KCNK10: variants seen among roughly 807,000 people sequenced by gnomAD.
KCNK10 encodes the protein potassium two pore domain channel subfamily K member 10.
In KCNK10, 25 loss-of-function variants were observed where a neutral mutation model predicts 47.7. That is an observed-to-expected ratio of 0.52 (90% CI 0.38 to 0.73). KCNK10 has a LOEUF of 0.73. Among genes scored for constraint, KCNK10 ranks in the 30% least tolerant of loss-of-function variants. KCNK10 has a pLI of 0.00. For synonymous variants in KCNK10, 303 were observed against 285.6 expected, an observed-to-expected ratio of 1.06 and a Z score of -0.61; for missense variants, 563 against 714.5, an observed-to-expected ratio of 0.79 and a Z score of 2.42.
chr14:88,194,736 T>C (rs1884854562), intron 4 of KCNK10, among the ~76,000 whole-genome samples: 1 of 152,164 alleles, frequency 6.6e-6, no homozygotes, highest in Non-Finnish European at 1.5e-5. Flanking sequence ...CTGGAGACTT[T>C]ATCAGCAAGG....
intron 1 of KCNK10, among the ~76,000 whole-genome samples, chr14:88,263,996 G>T (rs1887190020): frequency 6.6e-6 from 1 of 152,164 alleles, no homozygotes; most frequent in South Asian, 2.1e-4. Flanking sequence ...ACCAAGGGCT[G>T]GTGATACCAA....
At chr14:88,197,902 AAAAAG>A (rs1349684803) in intron 4 of KCNK10, among the ~76,000 whole-genome samples, 1 of 146,780 alleles carries the variant, frequency 6.8e-6, no homozygotes, top group Non-Finnish European at 1.5e-5. Flanking sequence ...GAGAAGGGGA[AAAAAG>A]AAAAGAAAAA....
chr14:88,201,277 A>G (rs1885092869), intron 4 of KCNK10, among the ~76,000 whole-genome samples: 1 of 152,202 alleles, frequency 6.6e-6, no homozygotes, highest in African/African-American at 2.4e-5. Context: ...TGCATACATG[A>G]TTCATTTCCT....
At chr14:88,323,361 C>T, upstream of KCNK10, 2 of 927,028 alleles carry the variant, frequency 2.2e-6, no homozygotes, top group African/African-American at 1.8e-5. Context: ...CCCCACTTCC[C>T]GCTCCCCGAA....
intron 1 of KCNK10, among the ~76,000 whole-genome samples, chr14:88,273,013 T>G (rs1887442004): frequency 6.6e-6 from 1 of 152,164 alleles, no homozygotes; most frequent in South Asian, 2.1e-4. Flanking sequence ...GGTGGAGCTA[T>G]CCAGTTAACA....
chr14:88,210,177 G>A (rs1885408615), intron 4 of KCNK10, among the ~76,000 whole-genome samples: 1 of 152,178 alleles, frequency 6.6e-6, no homozygotes. Context: ...GAAAACTGAG[G>A]CACAGCCTGA....
intron 2 of KCNK10, among the ~76,000 whole-genome samples, chr14:88,261,373 C>T (rs911397145): frequency 1.3e-5 from 2 of 152,152 alleles, no homozygotes; most frequent in African/African-American, 4.8e-5. Flanking sequence ...TTGTTTATTC[C>T]ATTCTCTATA....
At chr14:88,236,917 T>C (rs1319589189) in intron 3 of KCNK10, among the ~76,000 whole-genome samples, 1 of 152,218 alleles carries the variant, frequency 6.6e-6, no homozygotes, top group Non-Finnish European at 1.5e-5. Flanking sequence ...CGGTGACTGT[T>C]GAAGGCTGGG....
intron 1 of KCNK10, among the ~76,000 whole-genome samples, chr14:88,289,672 G>A (rs1887837590): frequency 6.6e-6 from 1 of 152,230 alleles, no homozygotes; most frequent in South Asian, 2.1e-4. Flanking sequence ...GTGATGAATT[G>A]TTCAAGCTTA....
At chr14:88,306,995 C>T (rs1006357123) in intron 1 of KCNK10, among the ~76,000 whole-genome samples, 5 of 152,104 alleles carry the variant, frequency 3.3e-5, no homozygotes, top group Non-Finnish European at 1.5e-5. Flanking sequence ...CACAGCAATT[C>T]CTCAGGATGT....
chr14:88,213,398 T>C lies in KCNK10; in HGVS notation c.681+13977A>G, dbSNP rs1356833183. Reference sequence around the variant, plus strand: ...GAGGAACCAAACTAACCTGTGAAAATTGGTGATAAAGCATGAACATAGGAA... The same window carrying C: ...GAGGAACCAAACTAACCTGTGAAAACTGGTGATAAAGCATGAACATAGGAA... On this transcript the variant is annotated intron_variant, in intron 4 of 6. Transcript: ENST00000319231. Among the ~76,000 whole-genome samples the C allele has an allele frequency of 3.9e-5, 6 of 152,310 alleles. No individual in the cohort carries two copies. The South Asian group carries it at 6.2e-4, about 16-fold the overall frequency.
At chr14:88,210,827 A>G (rs947520904) in intron 4 of KCNK10, among the ~76,000 whole-genome samples, 1 of 106,052 alleles carries the variant, frequency 9.4e-6, no homozygotes, top group African/African-American at 3.1e-5. Flanking sequence ...TAAAAGTTAA[A>G]GGAAAAAAAA....
At chr14:88,313,987 A>G (rs1566722530) in intron 1 of KCNK10, among the ~76,000 whole-genome samples, 1 of 152,194 alleles carries the variant, frequency 6.6e-6, no homozygotes, top group South Asian at 2.1e-4. Context: ...GGAATTTAAC[A>G]GTTTATGAAG....
At position 88,186,234 on chromosome 14, in the gene KCNK10, G is replaced by GC; in HGVS notation, c.1012-80_1012-79insG. ...GCCTCCCAGCACCCACAGCCCTCGG[G>GC]TGTCCCCACGGGGAGGCCAGGAGGT... On this transcript the variant is annotated intron_variant, in intron 6 of 6. Transcript: ENST00000319231. This position sits in a 1 kb window ranked among gnomAD's most constrained non-coding sequence, Gnocchi z 5.5. 1 of 1,469,580 alleles carries GC rather than the reference G, an allele frequency of 6.8e-7. No homozygotes were observed. Among genetic ancestry groups the GC allele is most frequent in the Non-Finnish European group, 9.0e-7 (1 of 1,106,428 alleles). 91.0% of individuals were successfully genotyped at this position (1,469,580 alleles called of 1,614,324 possible).
chr14:88,253,892 C>T (rs1314056998), intron 2 of KCNK10, among the ~76,000 whole-genome samples: 1 of 152,040 alleles, frequency 6.6e-6, no homozygotes, highest in Non-Finnish European at 1.5e-5. Context: ...AGTGAGACGC[C>T]ATCTTGGGGG....
At position 88,180,898 on chromosome 14, in the gene KCNK10, TA is replaced by T. The variant is rs1884324310; in HGVS notation, c.*4636del. 1 of 398,570 alleles carries T rather than the reference TA, an allele frequency of 2.5e-6. No individual in the cohort carries two copies. Among genetic ancestry groups the T allele is most frequent in the African/African-American group, 2.1e-5 (1 of 48,646 alleles). The allele number at this position is 398,570 out of a possible 1,614,324, so 24.7% of individuals were successfully genotyped here. ...ATTAACAGCATCCACAATGCCACAC[TA>T]AAGTGATCTTTGTTTCAGAGAGTTA... On this transcript the variant is annotated 3_prime_UTR_variant, in exon 7 of 7. Coordinates refer to ENST00000319231, the MANE Select transcript of KCNK10 (RefSeq NM_138317.3).
chr14:88,323,269 T>G lies in KCNK10; in HGVS notation c.-471A>C. ...GCACACACACTCCCGGGCGCGCGCT[T>G]GGGCGGGCACGTCAGCCTCGCTCGG... On this transcript the variant is annotated 5_prime_UTR_variant, in exon 1 of 7. Coordinates refer to ENST00000319231, the MANE Select transcript of KCNK10 (RefSeq NM_138317.3). 3.0e-6 allele frequency: 3 copies of G among 985,518 alleles called. No individual in the cohort carries two copies. Among genetic ancestry groups the G allele is most frequent in the Non-Finnish European group, 3.6e-6 (3 of 830,440 alleles). The allele number at this position is 985,518 out of a possible 1,614,324, so 61.0% of individuals were successfully genotyped here.
At chr14:88,193,038 T>G (rs1022955404) in intron 4 of KCNK10, among the ~76,000 whole-genome samples, 3 of 152,256 alleles carry the variant, frequency 2.0e-5, no homozygotes, top group Non-Finnish European at 2.9e-5. Flanking sequence ...TAACACACTT[T>G]TGTTTTAAAA....
chr14:88,270,657 G>A, intron 1 of KCNK10: 1 of 777,812 alleles, frequency 1.3e-6, no homozygotes, highest in Non-Finnish European at 2.4e-6. Context: ...CTGGGGGGAA[G>A]AGGGAGCTAG....
Sources: allele counts gnomAD v4.1 joint callset (sites outside exome capture counted in the v4.1 genomes callset), GRCh38; gene constraint gnomAD v4.1.1; non-coding constraint Gnocchi (gnomAD v3.1); transcripts MANE v1.5; gene names NCBI Gene and HGNC (gene_info 2026-07-23, HGNC 2026-07-21).